The following SGMS1 variants were observed in gnomAD, a reference collection of about 807,000 sequenced individuals.
SGMS1 encodes phosphatidylcholine:ceramide cholinephosphotransferase 1.
SGMS1 carries 13 observed loss-of-function variants against 46.2 expected under a neutral mutation model. That is an observed-to-expected ratio of 0.28 (90% CI 0.18 to 0.45). SGMS1 has a LOEUF of 0.45. Among genes scored for constraint, SGMS1 ranks in the 20% least tolerant of loss-of-function variants. The probability of loss-of-function intolerance (pLI) is 1.00; values close to 1 mark genes in which losing one functional copy is unlikely to be tolerated. For synonymous variants in SGMS1, 203 were observed against 187.8 expected, an observed-to-expected ratio of 1.08 and a Z score of -0.66; for missense variants, 324 against 519.9, an observed-to-expected ratio of 0.62 and a Z score of 3.66.
Position 50,305,893 on chromosome 10 carries a change from T to C in SGMS1, c.*1249A>G, listed in dbSNP as rs1427691639. 6.5e-6 allele frequency: 1 copy of C among 152,704 alleles called. No homozygotes were observed. The highest frequency in any genetic ancestry group is 6.5e-5 in the Admixed American group (1 of 15,282). 9.5% of individuals were successfully genotyped at this position (152,704 alleles called of 1,614,324 possible). A position where few individuals can be genotyped will look rare whatever the true frequency, so the allele number is the denominator to read the frequency against. On this transcript the variant is annotated 3_prime_UTR_variant, in exon 11 of 11. Transcript: ENST00000361781. ...CTATTTTGTTCTCCACATTGGCAAG[T>C]ATAGAATAGAATACTTCCCCAAACA...
intron 1 of SGMS1, among the ~76,000 whole-genome samples, chr10:50,594,173 C>T (rs1312350371): frequency 6.6e-6 from 1 of 152,212 alleles, no homozygotes; most frequent in Admixed American, 6.5e-5. Context: ...ATCACTACTA[C>T]AAATAAATAG....
intron 1 of SGMS1, among the ~76,000 whole-genome samples, chr10:50,596,260 T>C (rs1192695784): frequency 1.3e-5 from 2 of 150,778 alleles, no homozygotes; most frequent in African/African-American, 4.9e-5. Flanking sequence ...CACCGCAACC[T>C]GCGCCTCCCT....
chr10:50,359,044 A>T (rs1409475186), intron 6 of SGMS1, among the ~76,000 whole-genome samples: 1 of 152,234 alleles, frequency 6.6e-6, no homozygotes, highest in East Asian at 1.9e-4. Flanking sequence ...TGCTGTGCTC[A>T]GAATTCCACA....
chr10:50,352,567 A>T lies in SGMS1; in HGVS notation c.-231-8222T>A, dbSNP rs149617668. On this transcript the variant is annotated intron_variant, in intron 6 of 10. Transcript: ENST00000361781. Reference sequence around the variant, plus strand: ...AGTAGCACAGAAATACTTCGTTCATATCTAAGTTTTAGAGATAAGTAAACT... The same window carrying T: ...AGTAGCACAGAAATACTTCGTTCATTTCTAAGTTTTAGAGATAAGTAAACT... Among the ~76,000 whole-genome samples the T allele has an allele frequency of 3.0e-3, 461 of 152,336 alleles. 1 individual carries two copies. The highest frequency in any genetic ancestry group is 0.011 in the African/African-American group (450 of 41,580).
chr10:50,575,521 G>T (rs1005536812), intron 2 of SGMS1, among the ~76,000 whole-genome samples: 1 of 152,078 alleles, frequency 6.6e-6, no homozygotes. Flanking sequence ...ATTCCAACCT[G>T]GGCGACAGTG....
At chr10:50,475,673 T>C (rs756945437) in intron 3 of SGMS1, among the ~76,000 whole-genome samples, 9 of 152,082 alleles carry the variant, frequency 5.9e-5, no homozygotes, top group East Asian at 1.9e-4. Context: ...TGGGAGTAGT[T>C]TCTAATAGTT....
chr10:50,439,625 G>C (rs1849516799), intron 5 of SGMS1, among the ~76,000 whole-genome samples: 1 of 152,130 alleles, frequency 6.6e-6, no homozygotes, highest in Non-Finnish European at 1.5e-5. Context: ...ACACTATAAA[G>C]CTCCTACAGT....
At chr10:50,623,379 C>T (rs546282865) in intron 1 of SGMS1, among the ~76,000 whole-genome samples, 8 of 152,274 alleles carry the variant, frequency 5.3e-5, no homozygotes, top group African/African-American at 1.9e-4. Context: ...CCTTCCAGCC[C>T]GCACGCAGTA....
intron 2 of SGMS1, among the ~76,000 whole-genome samples, chr10:50,570,421 A>C (rs1453638028): frequency 6.6e-6 from 1 of 152,226 alleles, no homozygotes; most frequent in Non-Finnish European, 1.5e-5. Flanking sequence ...CATTTTAAAA[A>C]ATAATCTTGA....
Position 50,437,879 on chromosome 10 carries a change from T to C in SGMS1, c.-312-4323A>G, listed in dbSNP as rs989169728. 5.9e-5 allele frequency among the ~76,000 whole-genome samples: 9 copies of C among 152,156 alleles called. 1 individual carries two copies. The highest frequency in any genetic ancestry group is 1.3e-4 in the Non-Finnish European group (9 of 68,026). ...GTAGGAACAAATGTCTAGAGAAGAATGTGTCACATACCCCAAATGCCCACT... is the reference window on the plus strand; with the variant it reads ...GTAGGAACAAATGTCTAGAGAAGAACGTGTCACATACCCCAAATGCCCACT... On this transcript the variant is annotated intron_variant, in intron 5 of 10. Transcript: ENST00000361781.
intron 5 of SGMS1, among the ~76,000 whole-genome samples, chr10:50,454,495 G>A (rs1311280561): frequency 6.6e-6 from 1 of 151,926 alleles, no homozygotes; most frequent in Non-Finnish European, 1.5e-5. Flanking sequence ...AAAAATGGGG[G>A]AAAAAAGAAT....
intron 2 of SGMS1, among the ~76,000 whole-genome samples, chr10:50,559,892 C>T (rs1028922328): frequency 8.6e-5 from 13 of 151,948 alleles, no homozygotes; most frequent in African/African-American, 2.7e-4. Context: ...CATCTAACAC[C>T]TCTTCTTTAT....
At chr10:50,624,221 G>T, upstream of SGMS1, 3 of 672,158 alleles carry the variant, frequency 4.5e-6, no homozygotes, top group Non-Finnish European at 5.5e-6. Context: ...CCTAGCGGGA[G>T]CCAGATTTTA....
In SGMS1 at chr10:50,528,901, G is replaced by A. The variant is rs184091662; in HGVS notation, c.-588-8980C>T. ...GTTGTGATATGCCACTGGTCAAAGTGACATACTACTAGAAATCTCATTCCA... is the reference window on the plus strand; with the variant it reads ...GTTGTGATATGCCACTGGTCAAAGTAACATACTACTAGAAATCTCATTCCA... On this transcript the variant is annotated intron_variant, in intron 2 of 10. Transcript: ENST00000361781. Among the ~76,000 whole-genome samples, 177 of 152,332 alleles carry A rather than the reference G, an allele frequency of 1.2e-3. 1 individual carries two copies. Among genetic ancestry groups the A allele is most frequent in the Non-Finnish European group, 1.9e-3 (128 of 68,030 alleles).
chr10:50,377,697 A>G (rs2133463554), intron 6 of SGMS1, among the ~76,000 whole-genome samples: 1 of 152,288 alleles, frequency 6.6e-6, no homozygotes, highest in Middle Eastern at 3.4e-3. Context: ...GGGGCTTTAA[A>G]CAGAAATGCA....
intron 6 of SGMS1, among the ~76,000 whole-genome samples, chr10:50,357,972 C>T (rs565509942): frequency 2.0e-5 from 3 of 152,190 alleles, no homozygotes; most frequent in South Asian, 2.1e-4. Context: ...TTTGGCTTCA[C>T]GTATCAAACC....
At chr10:50,597,673 T>C (rs1254977017) in intron 1 of SGMS1, among the ~76,000 whole-genome samples, 1 of 152,156 alleles carries the variant, frequency 6.6e-6, no homozygotes, top group Non-Finnish European at 1.5e-5. Flanking sequence ...AATTGTTCCG[T>C]ATGCTGTTTG....
intron 7 of SGMS1, among the ~76,000 whole-genome samples, chr10:50,332,026 C>T (rs190542928): frequency 6.1e-4 from 93 of 152,270 alleles, no homozygotes; most frequent in African/African-American, 2.1e-3. Context: ...TGTTTAGAAC[C>T]GCCAGAATCA....
intron 5 of SGMS1, among the ~76,000 whole-genome samples, chr10:50,454,515 T>A (rs1837166216): frequency 6.6e-6 from 1 of 152,184 alleles, no homozygotes; most frequent in Non-Finnish European, 1.5e-5. Context: ...TCAGTGAGGC[T>A]TAGTGATCCA....
Sources: allele counts gnomAD v4.1 joint callset (sites outside exome capture counted in the v4.1 genomes callset), GRCh38; gene constraint gnomAD v4.1.1; transcripts MANE v1.5; gene names NCBI Gene and HGNC (gene_info 2026-07-23, HGNC 2026-07-21).